The following DEPDC7 variants were observed in gnomAD, a reference collection of about 807,000 sequenced individuals.
DEPDC7 encodes DEP domain-containing protein 7.
In DEPDC7, 41 loss-of-function variants were observed where a neutral mutation model predicts 56.6. The ratio of observed to expected loss-of-function variants is 0.72; its 90% confidence interval spans 0.56 to 0.94. The LOEUF (loss-of-function observed/expected upper bound fraction) is 0.94. DEPDC7 is among the 40% of genes least tolerant of loss of function. The probability of loss-of-function intolerance (pLI) is 0.00; values close to 1 mark genes in which losing one functional copy is unlikely to be tolerated. For missense variants in DEPDC7, 522 were observed against 596.3 expected (o/e 0.88, Z 1.30); for synonymous variants, 185 against 208.8 (o/e 0.89, Z 0.98).
chr11:33,015,965 G>C lies in DEPDC7; in HGVS notation c.10G>C (p.Val4Leu), dbSNP rs1343385709. Reference protein sequence around the residue: MATVQEKAAALNLS... With the variant: MATLQEKAAALNLS... ...CCGGGGAGCAAGGGCCATGGCCACC[G>C]TGCAGGAGAAGGCTGCTGCGCTGAA... Residue 4 changes from valine to leucine, a missense_variant, in exon 1 of 9, where the codon GTG (valine) becomes CTG (leucine). Physicochemically the swap from Val to Leu is conservative, Grantham distance 32 (BLOSUM62 1). Coordinates refer to ENST00000241051, the MANE Select transcript of DEPDC7 (RefSeq NM_001077242.2). 6.3e-7 allele frequency: 1 copy of C among 1,577,880 alleles called. No homozygotes were observed. The highest frequency in any genetic ancestry group is 8.6e-7 in the Non-Finnish European group (1 of 1,162,804).
chr11:33,027,603 CTG>C lies in DEPDC7; in HGVS notation c.465-81_465-80del, dbSNP rs139896462. The C allele has an allele frequency of 7.5e-3, 9,672 of 1,297,674 alleles. 586 individuals carry two copies. In the African/African-American group the frequency reaches 0.13, roughly 18 times the overall value. The allele number at this position is 1,297,674 out of a possible 1,614,324, so 80.4% of individuals were successfully genotyped here. A position where few individuals can be genotyped will look rare whatever the true frequency, so the allele number is the denominator to read the frequency against. ...TGTTTTTGCTCTGAAATGCATAACT[CTG>C]TAGAAAACTCTTAGCTCTCAAATAC... On this transcript the variant is annotated intron_variant, in intron 2 of 8. Coordinates refer to ENST00000241051, the MANE Select transcript of DEPDC7 (RefSeq NM_001077242.2).
At chr11:33,024,081 AGG>A (rs896833027) in intron 1 of DEPDC7, among the ~76,000 whole-genome samples, 3 of 152,232 alleles carry the variant, frequency 2.0e-5, no homozygotes, top group African/African-American at 7.2e-5. Context: ...AAAGGAAAAA[AGG>A]GAGGGAGCCA....
Position 33,015,909 on chromosome 11 carries a change from G to A in DEPDC7, c.-47G>A, listed in dbSNP as rs1853450627. 3 of 1,530,764 alleles carry A rather than the reference G, an allele frequency of 2.0e-6. No homozygotes were observed. The highest frequency in any genetic ancestry group is 2.6e-6 in the Non-Finnish European group (3 of 1,134,224). 94.8% of individuals were successfully genotyped at this position (1,530,764 alleles called of 1,614,324 possible). ...AACAGACGGGCGCTCAGGGAGCTAG[G>A]GAGCTGTGAAGCTGCTGGAGGAGTT... On this transcript the variant is annotated 5_prime_UTR_variant, in exon 1 of 9. Transcript: ENST00000241051.
chr11:33,028,490 T>C (rs1250970557), intron 3 of DEPDC7, 113 bp from the exon 4 acceptor site: 5 of 806,260 alleles, frequency 6.2e-6, no homozygotes, highest in Non-Finnish European at 9.3e-6. Context: ...GGTTGACTTT[T>C]TCTTTCTTTT....
chr11:33,032,072 A>G (rs1853638746), intron 5 of DEPDC7, among the ~76,000 whole-genome samples: 1 of 151,244 alleles, frequency 6.6e-6, no homozygotes, highest in Non-Finnish European at 1.5e-5. Flanking sequence ...TGAAAAACAG[A>G]ATGGGATTTT....
intron 2 of DEPDC7, chr11:33,026,329 A>G: frequency 5.0e-6 from 2 of 397,042 alleles, no homozygotes; most frequent in East Asian, 4.7e-5. Context: ...TGGTATGAGA[A>G]CATAGCGAAG....
At chr11:33,025,524 A>T (rs1209889677) in intron 1 of DEPDC7, 135 bp from the exon 2 acceptor site, 8 of 805,948 alleles carry the variant, frequency 9.9e-6, no homozygotes, top group Non-Finnish European at 1.6e-5. Flanking sequence ...ACAGTATTTC[A>T]GTAAGCTACC....
chr11:33,033,452 C>T lies in DEPDC7; in HGVS notation c.1533C>T (p.Asp511=), dbSNP rs1257915539. The stretch of plus-strand genomic sequence containing the variant: ...ACATCTTTATTGAGCATTTTGGAGA[C>T]TGAGTTTTTAATATCTGTATATAAG... The part of the protein sequence containing the change: ...HPDIFIEHFG[D] Residue 511 remains aspartate, a synonymous_variant, in exon 9 of 9, where the codon GAC becomes GAT. Transcript: ENST00000241051. 6.4e-7 allele frequency: 1 copy of T among 1,558,562 alleles called. No individual in the cohort carries two copies. The highest frequency in any genetic ancestry group is 8.6e-7 in the Non-Finnish European group (1 of 1,157,332).
intron 1 of DEPDC7, among the ~76,000 whole-genome samples, chr11:33,021,953 T>G (rs994093794): frequency 6.6e-6 from 1 of 152,280 alleles, no homozygotes; most frequent in South Asian, 2.1e-4. Context: ...AGGCCAAATA[T>G]CCCCTCTCAC....
intron 1 of DEPDC7, among the ~76,000 whole-genome samples, chr11:33,025,258 TTTAC>T (rs1302081730): frequency 6.6e-6 from 1 of 152,184 alleles, no homozygotes; most frequent in African/African-American, 2.4e-5. Context: ...GCTTCTTGGT[TTTAC>T]TTGAGTTTCT....
At chr11:33,024,566 C>T (rs2133661519) in intron 1 of DEPDC7, among the ~76,000 whole-genome samples, 1 of 152,144 alleles carries the variant, frequency 6.6e-6, no homozygotes, top group African/African-American at 2.4e-5. Context: ...GATGGTATAG[C>T]CTGCTACACA....
intron 4 of DEPDC7, among the ~76,000 whole-genome samples, chr11:33,029,022 G>GA (rs35177118): frequency 3.9e-4 from 59 of 150,240 alleles, no homozygotes; most frequent in Non-Finnish European, 3.0e-4. Flanking sequence ...CACATTAAGT[G>GA]AAAAAAAAAT....
In DEPDC7 at chr11:33,032,943, G is replaced by A. The variant is rs777156713; in HGVS notation, c.1318G>A (p.Gly440Arg). 98 of 1,597,968 alleles carry A rather than the reference G, an allele frequency of 6.1e-5. No individual in the cohort carries two copies. Among genetic ancestry groups the A allele is most frequent in the Non-Finnish European group, 6.3e-5 (74 of 1,172,998 alleles). ...TGTTAAGCTTATGGCCATACAGAAC[G>A]GAAGAGATCCAAATAGAGATGCAGG... is the stretch of plus-strand genomic sequence containing the variant. ...VSVKLMAIQN[G>R]RDPNRDAGYI... The change falls in exon 8 of 9, where the codon GGA becomes AGA. Residue 440 changes from glycine to arginine, a missense_variant. Gly to Arg is a moderately radical substitution (Grantham distance 125, BLOSUM62 -2). Transcript: ENST00000241051.
At chr11:33,026,927 C>G (rs1429637044) in intron 2 of DEPDC7, among the ~76,000 whole-genome samples, 1 of 152,068 alleles carries the variant, frequency 6.6e-6, no homozygotes, top group Non-Finnish European at 1.5e-5. Flanking sequence ...TGCGCCTGGC[C>G]CATTTTTACA....
chr11:33,032,073 A>G (rs968153128), intron 5 of DEPDC7, among the ~76,000 whole-genome samples: 2 of 151,240 alleles, frequency 1.3e-5, no homozygotes, highest in African/African-American at 4.9e-5. Flanking sequence ...GAAAAACAGA[A>G]TGGGATTTTA....
chr11:33,028,380 T>C, intron 3 of DEPDC7: 1 of 418,330 alleles, frequency 2.4e-6, no homozygotes, highest in Non-Finnish European at 4.2e-6. Context: ...CTTTTTACAG[T>C]ACAAAGAATG....
At chr11:33,018,250 A>G (rs897645272) in intron 1 of DEPDC7, among the ~76,000 whole-genome samples, 2 of 152,212 alleles carry the variant, frequency 1.3e-5, no homozygotes, top group African/African-American at 4.8e-5. Flanking sequence ...CACAACTGTC[A>G]AGTTTTAACA....
At chr11:33,030,364 A>C (rs754812807) in intron 4 of DEPDC7, among the ~76,000 whole-genome samples, 1 of 152,160 alleles carries the variant, frequency 6.6e-6, no homozygotes, top group Non-Finnish European at 1.5e-5. Context: ...AGGTGAAATG[A>C]CCTGCCTGAG....
At position 33,027,811 on chromosome 11, in the gene DEPDC7, A is replaced by G; in HGVS notation, c.590A>G (p.Gln197Arg). 3 of 1,546,534 alleles carry G rather than the reference A, an allele frequency of 1.9e-6. No individual in the cohort carries two copies. Among genetic ancestry groups the G allele is most frequent in the African/African-American group, 1.4e-5 (1 of 71,230 alleles). Reference sequence around the variant, plus strand: ...AATATCTCTGCAACCTTGTCTCCACAAGGTAAGCTAAGGATGAAGCAAAGT... The same window carrying G: ...AATATCTCTGCAACCTTGTCTCCACGAGGTAAGCTAAGGATGAAGCAAAGT... ...HVNISATLSP[Q>R]VINEVWQEET... The change falls in exon 3 of 9, where the codon CAA (glutamine) becomes CGA (arginine). Residue 197 changes from glutamine to arginine, a missense_variant and splice_region_variant. Gln to Arg is a conservative substitution (Grantham distance 43). Coordinates refer to ENST00000241051, the MANE Select transcript of DEPDC7 (RefSeq NM_001077242.2).
Sources: gnomAD v4.1 joint callset for allele counts (sites outside exome capture counted in the v4.1 genomes callset) on GRCh38, gnomAD v4.1.1 for gene constraint, MANE v1.5 for transcripts, NCBI Gene and HGNC (gene_info 2026-07-23, HGNC 2026-07-21) for gene names.